Variants in CASK observed in about 807,000 individuals in gnomAD.
CASK encodes the protein peripheral plasma membrane protein CASK.
In CASK, 4 loss-of-function variants were observed where a neutral mutation model predicts 82.9. The observed-to-expected ratio is 0.05, with a 90% CI of 0.02 to 0.11. CASK has a LOEUF of 0.11. CASK is among the 10% of genes least tolerant of loss of function. The probability of loss-of-function intolerance (pLI) is 1.00; values close to 1 mark genes in which losing one functional copy is unlikely to be tolerated. For synonymous variants in CASK, 259 were observed against 253.5 expected, an observed-to-expected ratio of 1.02 and a Z score of -0.20; for missense variants, 358 against 720.9, an observed-to-expected ratio of 0.50 and a Z score of 5.76.
At chrX:41,794,528 C>T (rs1026634760) in intron 2 of CASK, among the ~76,000 whole-genome samples, 1 of 111,902 alleles carries the variant, frequency 8.9e-6, no homozygotes, top group Non-Finnish European at 1.9e-5. Context: ...AACCAGACAC[C>T]TATTTCAACA....
At chrX:41,785,430 A>G (rs1371258956) in intron 3 of CASK, among the ~76,000 whole-genome samples, 1 of 112,112 alleles carries the variant, frequency 8.9e-6, no homozygotes, top group Non-Finnish European at 1.9e-5. Flanking sequence ...CCTGCTTACT[A>G]TGAATGGTCC....
chrX:41,771,909 T>C (rs560984259), intron 3 of CASK, among the ~76,000 whole-genome samples: 1 of 110,780 alleles, frequency 9.0e-6, no homozygotes, highest in South Asian at 3.8e-4. Context: ...CACAACTATA[T>C]GCCTTTAACA....
intron 13 of CASK, among the ~76,000 whole-genome samples, 161 bp downstream of exon 13, chrX:41,589,354 T>C (rs776759147): frequency 8.9e-6 from 1 of 112,527 alleles, no homozygotes; most frequent in African/African-American, 3.2e-5. Context: ...ATCTTTTTTC[T>C]TTTCTGTATG....
At chrX:41,578,223 T>C (rs972591728) in intron 15 of CASK, 117 bp downstream of exon 15, 29 of 505,043 alleles carry the variant, frequency 5.7e-5, no homozygotes, top group South Asian at 1.3e-4. Flanking sequence ...CTGATTTCTT[T>C]AAAACTATCC....
chrX:41,561,899 T>A (rs759565420), intron 16 of CASK: 1 of 271,644 alleles, frequency 3.7e-6, no homozygotes, highest in South Asian at 8.1e-5. Context: ...AGGTGGTATG[T>A]ATAGTGGTTT....
chrX:41,611,999 T>C (rs75008873), intron 11 of CASK, among the ~76,000 whole-genome samples: 31 of 112,384 alleles, frequency 2.8e-4, no homozygotes, highest in Non-Finnish European at 4.7e-4. Context: ...GTTCACTCAG[T>C]GCTCAATGGT....
rs570233066 is a variant in CASK, at chrX:41,724,503, T to C, written c.429+14881A>G. Among the ~76,000 whole-genome samples the C allele has an allele frequency of 3.3e-4, 37 of 112,483 alleles. No homozygotes were observed. In the Middle Eastern group the frequency reaches 0.023, roughly 70 times the overall value. On this transcript the variant is annotated intron_variant, in intron 5 of 26. Transcript: ENST00000378163. The stretch of plus-strand genomic sequence containing the variant: ...AAATGTATGCATGAGTGACTTGAGA[T>C]AGACATTCTCCTGAGGGGAATATAG...
chrX:41,543,883 T>C (rs1263032451), intron 21 of CASK, among the ~76,000 whole-genome samples: 2 of 112,579 alleles, frequency 1.8e-5, no homozygotes, highest in Admixed American at 1.9e-4. Flanking sequence ...ATTATCTGTC[T>C]TTAACTTTAG....
chrX:41,829,527 C>G (rs1391616801), intron 2 of CASK, among the ~76,000 whole-genome samples: 2 of 97,351 alleles, frequency 2.1e-5, no homozygotes, highest in African/African-American at 7.6e-5. Context: ...GTCATTCCGC[C>G]ACTGTTGGAC....
intron 5 of CASK, among the ~76,000 whole-genome samples, chrX:41,675,153 T>G (rs2067247924): frequency 8.9e-6 from 1 of 112,151 alleles, no homozygotes; most frequent in Non-Finnish European, 1.9e-5. Context: ...ACTTTACAAA[T>G]AATGGAATGT....
intron 5 of CASK, among the ~76,000 whole-genome samples, chrX:41,701,508 G>T (rs2067791959): frequency 8.9e-6 from 1 of 112,002 alleles, no homozygotes; most frequent in Non-Finnish European, 1.9e-5. Context: ...TTGAAACTCG[G>T]AATATAATCT....
chrX:41,617,680 T>C (rs1186815072), intron 11 of CASK, among the ~76,000 whole-genome samples: 1 of 111,682 alleles, frequency 9.0e-6, no homozygotes, highest in Non-Finnish European at 1.9e-5. Context: ...AAAAATCCCA[T>C]GGTGTTTCAA....
intron 2 of CASK, among the ~76,000 whole-genome samples, chrX:41,824,304 C>T (rs1449381171): frequency 1.8e-5 from 2 of 112,484 alleles, no homozygotes; most frequent in Non-Finnish European, 3.8e-5. Context: ...CTCCACTCCT[C>T]ATGCCACTTA....
intron 24 of CASK, 98 bp from the exon 25 acceptor site, chrX:41,531,307 T>G (rs890718842): frequency 1.4e-6 from 1 of 707,829 alleles, no homozygotes; most frequent in African/African-American, 2.1e-5. Context: ...TCCTAAAAGC[T>G]GTGGATTCTT....
At chrX:41,734,904 T>G (rs1399876741) in intron 5 of CASK, among the ~76,000 whole-genome samples, 1 of 112,005 alleles carries the variant, frequency 8.9e-6, no homozygotes, top group Non-Finnish European at 1.9e-5. Flanking sequence ...TTTATGCAGT[T>G]TTATGTGAAA....
chrX:41,549,025 G>A (rs933046506), intron 21 of CASK, among the ~76,000 whole-genome samples: 2 of 111,489 alleles, frequency 1.8e-5, no homozygotes, highest in African/African-American at 6.5e-5. Flanking sequence ...TTTATTGATG[G>A]CTTAGATCAG....
At chrX:41,896,245 G>A (rs1222386472) in intron 1 of CASK, among the ~76,000 whole-genome samples, 2 of 111,741 alleles carry the variant, frequency 1.8e-5, no homozygotes, top group Non-Finnish European at 3.8e-5. Context: ...AAATAGCCAG[G>A]TTTCCCTCAA....
intron 5 of CASK, among the ~76,000 whole-genome samples, chrX:41,693,287 A>C (rs1451629160): frequency 9.0e-6 from 1 of 111,099 alleles, no homozygotes; most frequent in Non-Finnish European, 1.9e-5. Context: ...TGGTAGCCTG[A>C]CATTCTTTCT....
At position 41,727,314 on chromosome X, in the gene CASK, T is replaced by G. The variant is rs144197742; in HGVS notation, c.429+12070A>C. 4.1e-6 allele frequency: 5 copies of G among 1,206,520 alleles called. No homozygotes were observed. In the African/African-American group the frequency reaches 8.7e-5, roughly 21 times the overall value. ...GCAGAGTGGTCAATTTTCTGGGAACTCTATCCATGCATGCAAGTATGTTTG... is the reference window on the plus strand; with the variant it reads ...GCAGAGTGGTCAATTTTCTGGGAACGCTATCCATGCATGCAAGTATGTTTG... On this transcript the variant is annotated intron_variant, in intron 5 of 26. Transcript: ENST00000378163.
Sources: gnomAD v4.1 joint callset for allele counts (sites outside exome capture counted in the v4.1 genomes callset) on GRCh38, gnomAD v4.1.1 for gene constraint, MANE v1.5 for transcripts, NCBI Gene and HGNC (gene_info 2026-07-23, HGNC 2026-07-21) for gene names.